Variants in GRID2 observed in about 807,000 individuals in gnomAD.
GRID2 encodes the protein glutamate receptor ionotropic, delta-2.
In GRID2, 33 loss-of-function variants were observed where a neutral mutation model predicts 114.8. The observed-to-expected ratio is 0.29, with a 90% CI of 0.22 to 0.38. The LOEUF is 0.38. Among genes scored for constraint, GRID2 ranks in the 10% least tolerant of loss-of-function variants. The pLI is 1.00. For missense variants in GRID2, 1,184 were observed against 1,257.7 expected, an observed-to-expected ratio of 0.94 and a Z score of 0.89; for synonymous variants, 505 against 449.9, an observed-to-expected ratio of 1.12 and a Z score of -1.55.
intron 2 of GRID2, among the ~76,000 whole-genome samples, chr4:92,683,568 T>A (rs1480632581): frequency 6.6e-6 from 1 of 151,948 alleles, no homozygotes; most frequent in African/African-American, 2.4e-5. Flanking sequence ...AAAATGAGGA[T>A]GATGAAGAAA....
intron 3 of GRID2, among the ~76,000 whole-genome samples, chr4:93,102,102 C>T (rs1731758676): frequency 1.3e-5 from 2 of 152,084 alleles, no homozygotes; most frequent in African/African-American, 2.4e-5. Context: ...CAGAAGTTTA[C>T]TTCAAAATAG....
intron 4 of GRID2, among the ~76,000 whole-genome samples, chr4:93,197,903 TATAA>T (rs1337262676): frequency 1.3e-5 from 2 of 152,358 alleles, no homozygotes; most frequent in Non-Finnish European, 1.5e-5. Flanking sequence ...TTAATTACTA[TATAA>T]ATAGTTAAGA....
intron 14 of GRID2, among the ~76,000 whole-genome samples, chr4:93,753,156 C>T (rs977663698): frequency 6.6e-6 from 1 of 152,112 alleles, no homozygotes; most frequent in African/African-American, 2.4e-5. Context: ...AGCCTTCACC[C>T]AGAGCTAAAA....
chr4:93,398,120 T>G (rs930779312), intron 9 of GRID2, among the ~76,000 whole-genome samples: 1 of 139,730 alleles, frequency 7.2e-6, no homozygotes, highest in African/African-American at 3.0e-5. Flanking sequence ...AATACATACA[T>G]GTATGTGTGT....
Position 92,330,466 on chromosome 4 carries a change from A to T in GRID2, c.88+25722A>T, listed in dbSNP as rs188419668. 3.2e-3 allele frequency among the ~76,000 whole-genome samples: 489 copies of T among 152,242 alleles called. 4 individuals carry two copies. The highest frequency in any genetic ancestry group is 0.011 in the African/African-American group (464 of 41,548). ...GGCACAGATTACAGATTACCTCTAC[A>T]TGTTAATTGGATCTATCATACTACT... On this transcript the variant is annotated intron_variant, in intron 1 of 15. Transcript: ENST00000282020.
chr4:92,887,048 A>C (rs1746425329), intron 2 of GRID2, among the ~76,000 whole-genome samples: 1 of 152,238 alleles, frequency 6.6e-6, no homozygotes, highest in Middle Eastern at 3.4e-3. Flanking sequence ...AACATAAATA[A>C]CTCTACATAT....
intron 14 of GRID2, among the ~76,000 whole-genome samples, chr4:93,675,388 TTTGA>T (rs1724763026): frequency 6.6e-6 from 1 of 152,334 alleles, no homozygotes; most frequent in East Asian, 1.9e-4. Context: ...TACATGATAC[TTTGA>T]TAGTGCATTT....
intron 9 of GRID2, among the ~76,000 whole-genome samples, chr4:93,398,902 A>G (rs1273745812): frequency 6.6e-6 from 1 of 151,936 alleles, no homozygotes; most frequent in African/African-American, 2.4e-5. Flanking sequence ...AACTACTCTG[A>G]GAATGGAAAC....
intron 8 of GRID2, among the ~76,000 whole-genome samples, chr4:93,264,268 C>A (rs1382987700): frequency 6.6e-6 from 1 of 152,050 alleles, no homozygotes; most frequent in Non-Finnish European, 1.5e-5. Flanking sequence ...CACTAAGAAT[C>A]CAACAGGTAA....
intron 2 of GRID2, among the ~76,000 whole-genome samples, chr4:92,876,472 T>C (rs2149451907): frequency 6.6e-6 from 1 of 151,974 alleles, no homozygotes; most frequent in South Asian, 2.1e-4. Context: ...ACCTGGCTAA[T>C]TTTTTGTATT....
At chr4:93,500,021 T>C (rs1439756322) in intron 12 of GRID2, among the ~76,000 whole-genome samples, 1 of 152,038 alleles carries the variant, frequency 6.6e-6, no homozygotes, top group Non-Finnish European at 1.5e-5. Context: ...CCATAAGGGT[T>C]ACTATAAATT....
intron 1 of GRID2, among the ~76,000 whole-genome samples, chr4:92,372,611 T>A (rs919667215): frequency 6.6e-6 from 1 of 152,310 alleles, no homozygotes; most frequent in Admixed American, 6.5e-5. Flanking sequence ...CTGGAAAACC[T>A]AAAACTTTGT....
At chr4:93,708,310 A>G (rs544710671) in intron 14 of GRID2, among the ~76,000 whole-genome samples, 1 of 136,712 alleles carries the variant, frequency 7.3e-6, no homozygotes, top group East Asian at 1.9e-4. Context: ...GTCTCCAGCT[A>G]TTATTGTATC....
intron 14 of GRID2, among the ~76,000 whole-genome samples, chr4:93,637,121 C>A (rs1273114817): frequency 6.6e-6 from 1 of 152,070 alleles, no homozygotes; most frequent in Non-Finnish European, 1.5e-5. Flanking sequence ...TTCATAGACA[C>A]AAGAAAATGT....
chr4:93,160,812 A>G (rs1475641079), intron 4 of GRID2, among the ~76,000 whole-genome samples: 1 of 151,812 alleles, frequency 6.6e-6, no homozygotes, highest in East Asian at 1.9e-4. Flanking sequence ...GTCACCTGGG[A>G]ACTAGCTAGA....
At chr4:93,766,057 A>G (rs1733640246) in intron 14 of GRID2, among the ~76,000 whole-genome samples, 1 of 152,220 alleles carries the variant, frequency 6.6e-6, no homozygotes, top group South Asian at 2.1e-4. Flanking sequence ...TGTGTTGAGT[A>G]TATTCCATCA....
Position 92,436,839 on chromosome 4 carries a change from A to C in GRID2, c.88+132095A>C, listed in dbSNP as rs116321862. 4.3e-3 allele frequency among the ~76,000 whole-genome samples: 657 copies of C among 152,284 alleles called. 5 individuals carry two copies. The highest frequency in any genetic ancestry group is 0.015 in the African/African-American group (620 of 41,568). ...TAAGGAATGATTTATTTATGATATA[A>C]GAATAATGTCTGTTGGGCCAATAAG... On this transcript the variant is annotated intron_variant, in intron 1 of 15. Coordinates refer to ENST00000282020, the MANE Select transcript of GRID2 (RefSeq NM_001510.4).
At chr4:93,171,835 C>T (rs1738854492) in intron 4 of GRID2, among the ~76,000 whole-genome samples, 1 of 150,698 alleles carries the variant, frequency 6.6e-6, no homozygotes, top group Non-Finnish European at 1.5e-5. Flanking sequence ...TGAAGTCCCG[C>T]ACACTCAAGT....
chr4:93,131,647 A>C (rs922396953), intron 4 of GRID2, among the ~76,000 whole-genome samples: 4 of 151,886 alleles, frequency 2.6e-5, no homozygotes, highest in Non-Finnish European at 5.9e-5. Flanking sequence ...TTATAGATGC[A>C]TACTAGTTGC....
Sources: gnomAD v4.1 joint callset for allele counts (sites outside exome capture counted in the v4.1 genomes callset) on GRCh38, gnomAD v4.1.1 for gene constraint, MANE v1.5 for transcripts, NCBI Gene and HGNC (gene_info 2026-07-23, HGNC 2026-07-21) for gene names.